The following CTNND2 variants were observed in gnomAD, a reference collection of about 807,000 sequenced individuals.
The protein encoded by CTNND2 is catenin delta-2.
CTNND2 carries 22 observed loss-of-function variants against 144.4 expected under a neutral mutation model. The ratio of observed to expected loss-of-function variants is 0.15; its 90% CI spans 0.11 to 0.22. CTNND2 has a LOEUF of 0.22. Among genes scored for constraint, CTNND2 ranks in the 10% least tolerant of loss-of-function variants. The pLI is 1.00. For synonymous variants in CTNND2, 751 were observed against 695.6 expected (o/e 1.08, Z -1.25); for missense variants, 1,353 against 1,618.8 (o/e 0.84, Z 2.82).
At chr5:11,075,234 C>G (rs17181565) in intron 16 of CTNND2, among the ~76,000 whole-genome samples, 28,680 of 152,122 alleles carry the variant, frequency 0.19, 3,204 homozygotes, top group Non-Finnish European at 0.26. Flanking sequence ...CTATTCTGAC[C>G]CCAGAGAAAG....
chr5:10,988,009 A>C lies in CTNND2; in HGVS notation c.3343+102T>G, dbSNP rs1738210939. On this transcript the variant is annotated intron_variant, in intron 20 of 21. Coordinates refer to ENST00000304623, the MANE Select transcript of CTNND2 (RefSeq NM_001332.4). This position sits in a 1 kb window ranked among gnomAD's most constrained non-coding sequence, Gnocchi z 5.9. ...GGACAGCTGCTAAGTCCTGCTCAGC[A>C]GCCAAGCGCAGCCAGCCCCGTGAAG... The C allele has an allele frequency of 6.7e-7, 1 of 1,486,384 alleles. No individual in the cohort carries two copies. Among genetic ancestry groups the C allele is most frequent in the South Asian group, 1.3e-5 (1 of 78,766 alleles). 92.1% of individuals were successfully genotyped at this position (1,486,384 alleles called of 1,614,324 possible). A position where few individuals can be genotyped will look rare whatever the true frequency, so the allele number is the denominator to read the frequency against.
At chr5:11,662,215 A>ATGTGTATATATG (rs771523388) in intron 2 of CTNND2, among the ~76,000 whole-genome samples, 4 of 102,290 alleles carry the variant, frequency 3.9e-5, no homozygotes, top group African/African-American at 2.0e-4. Context: ...GTATATATAT[A>ATGTGTATATATG]CATATATGTG....
At chr5:11,186,965 C>T (rs954395017) in intron 11 of CTNND2, among the ~76,000 whole-genome samples, 43 of 152,096 alleles carry the variant, frequency 2.8e-4, no homozygotes, top group Admixed American at 2.8e-3. Flanking sequence ...AGCACTATGA[C>T]CGGTAAGTGT....
At chr5:11,343,427 T>G (rs1754459120) in intron 9 of CTNND2, among the ~76,000 whole-genome samples, 1 of 152,166 alleles carries the variant, frequency 6.6e-6, no homozygotes, top group Admixed American at 6.6e-5. Context: ...ACACATCCAA[T>G]AAGCAATCGA....
intron 5 of CTNND2, among the ~76,000 whole-genome samples, chr5:11,398,598 G>C (rs1760350520): frequency 6.6e-6 from 1 of 151,926 alleles, no homozygotes; most frequent in Non-Finnish European, 1.5e-5. Context: ...AAAAAAAAAG[G>C]TAAGCAAGGA....
chr5:11,854,082 TCTC>T (rs1209483607), intron 1 of CTNND2, among the ~76,000 whole-genome samples: 1 of 152,076 alleles, frequency 6.6e-6, no homozygotes, highest in Non-Finnish European at 1.5e-5. Context: ...CTCCCTCTAT[TCTC>T]CTTCCAGCCA....
In CTNND2 at chr5:11,759,626, T is replaced by C. The variant is rs1213184935; in HGVS notation, c.38-27354A>G. On this transcript the variant is annotated intron_variant, in intron 1 of 21. Transcript: ENST00000304623. Reference sequence around the variant, plus strand: ...TATCAGTGTCATACTGATCTCAGCATGTATGCTAAAGATTATCTATACATG... The same window carrying C: ...TATCAGTGTCATACTGATCTCAGCACGTATGCTAAAGATTATCTATACATG... Among the ~76,000 whole-genome samples, 3 of 152,192 alleles carry C rather than the reference T, an allele frequency of 2.0e-5. No individual in the cohort carries two copies. In the East Asian group the frequency reaches 5.8e-4, roughly 29 times the overall value.
intron 11 of CTNND2, among the ~76,000 whole-genome samples, chr5:11,162,884 T>TACACACACAC (rs34257746): frequency 3.9e-4 from 58 of 147,894 alleles, no homozygotes; most frequent in African/African-American, 1.4e-3. Context: ...TCTTTCCTGC[T>TACACACACAC]ACACACACAC....
At chr5:11,817,867 A>G (rs902844633) in intron 1 of CTNND2, among the ~76,000 whole-genome samples, 3 of 152,200 alleles carry the variant, frequency 2.0e-5, no homozygotes, top group Admixed American at 2.0e-4. Context: ...ATGCTTGGGA[A>G]GAAGCACATA....
intron 2 of CTNND2, chr5:11,588,819 A>C (rs1779039618): frequency 1.0e-6 from 1 of 985,204 alleles, no homozygotes; most frequent in Admixed American, 6.2e-5. Context: ...CCCAAAGATG[A>C]AGGGTTACTC....
At chr5:11,504,524 C>A in intron 3 of CTNND2, among the ~76,000 whole-genome samples, 1 of 152,158 alleles carries the variant, frequency 6.6e-6, no homozygotes, top group Non-Finnish European at 1.5e-5. Flanking sequence ...CCCCGCCTGA[C>A]AATTCTTTCC....
At chr5:11,187,270 G>T (rs573769795) in intron 11 of CTNND2, among the ~76,000 whole-genome samples, 1 of 152,116 alleles carries the variant, frequency 6.6e-6, no homozygotes, top group South Asian at 2.1e-4. Flanking sequence ...AGACAAATGG[G>T]ACAGAATAGA....
At chr5:11,300,240 TG>T in intron 9 of CTNND2, among the ~76,000 whole-genome samples, 1 of 151,860 alleles carries the variant, frequency 6.6e-6, no homozygotes, top group South Asian at 2.1e-4. Flanking sequence ...GCTAGGAGAG[TG>T]GCCTGGAGAA....
At chr5:11,058,734 C>T (rs934400914) in intron 16 of CTNND2, among the ~76,000 whole-genome samples, 1 of 152,170 alleles carries the variant, frequency 6.6e-6, no homozygotes, top group African/African-American at 2.4e-5. Context: ...CACAGACACT[C>T]AATACTAGCC....
At chr5:11,754,695 T>C (rs1182431168) in intron 1 of CTNND2, among the ~76,000 whole-genome samples, 4 of 151,874 alleles carry the variant, frequency 2.6e-5, no homozygotes, top group African/African-American at 4.8e-5. Flanking sequence ...GTTGATCCTT[T>C]TACCAATATG....
At chr5:11,843,266 T>A (rs1481025412) in intron 1 of CTNND2, among the ~76,000 whole-genome samples, 2 of 152,202 alleles carry the variant, frequency 1.3e-5, no homozygotes, top group Non-Finnish European at 2.9e-5. Flanking sequence ...TCCTTTTGCC[T>A]CCAGAGAATA....
Position 11,213,397 on chromosome 5 carries a change from C to T in CTNND2, c.1762-13736G>A, listed in dbSNP as rs61751766. ...GACTCCACAAACTGAACCATGTCAACCTTATTTTTTCACATTTCTATTGAA... is the reference window on the plus strand; with the variant it reads ...GACTCCACAAACTGAACCATGTCAATCTTATTTTTTCACATTTCTATTGAA... On this transcript the variant is annotated intron_variant, in intron 10 of 21. Coordinates refer to ENST00000304623, the MANE Select transcript of CTNND2 (RefSeq NM_001332.4). 2.4e-4 allele frequency among the ~76,000 whole-genome samples: 36 copies of T among 152,252 alleles called. 2 individuals are homozygous for T. The East Asian group carries it at 4.6e-3, about 20-fold the overall frequency.
At chr5:11,393,939 T>C (rs79470998) in intron 6 of CTNND2, among the ~76,000 whole-genome samples, 2,826 of 152,110 alleles carry the variant, frequency 0.019, 57 homozygotes, top group African/African-American at 0.056. Flanking sequence ...TCCCATCACC[T>C]CACAACTCCT....
At chr5:11,129,948 T>C (rs927830792) in intron 12 of CTNND2, among the ~76,000 whole-genome samples, 1 of 152,140 alleles carries the variant, frequency 6.6e-6, no homozygotes, top group Non-Finnish European at 1.5e-5. Context: ...TTGACTTCTC[T>C]CTCTCCATAT....
Sources: allele counts gnomAD v4.1 joint callset (sites outside exome capture counted in the v4.1 genomes callset), GRCh38; gene constraint gnomAD v4.1.1; non-coding constraint Gnocchi (gnomAD v3.1); transcripts MANE v1.5; gene names NCBI Gene and HGNC (gene_info 2026-07-23, HGNC 2026-07-21).